The following EHBP1 variants were observed in gnomAD, a reference collection of about 807,000 sequenced individuals.
The protein encoded by EHBP1 is EH domain binding protein 1, also known as EH domain-binding protein 1.
In EHBP1, 55 loss-of-function variants were observed where a neutral mutation model predicts 144.0. The observed-to-expected ratio is 0.38, with a 90% CI of 0.31 to 0.48. EHBP1 has a LOEUF of 0.48. Ranked by LOEUF, EHBP1 falls within the 20% of genes least tolerant of loss-of-function variation. EHBP1 has a pLI of 0.98. For missense variants in EHBP1, 1,200 were observed against 1,364.2 expected, an observed-to-expected ratio of 0.88 and a Z score of 1.90; for synonymous variants, 469 against 472.7, an observed-to-expected ratio of 0.99 and a Z score of 0.10.
intron 21 of EHBP1, among the ~76,000 whole-genome samples, chr2:63,039,342 T>C (rs2061568591): frequency 6.6e-6 from 1 of 152,204 alleles, no homozygotes; most frequent in South Asian, 2.1e-4. Flanking sequence ...CATAAAGCTT[T>C]TAAATGAATT....
chr2:63,029,012 C>G (rs2061111503), intron 19 of EHBP1, among the ~76,000 whole-genome samples: 1 of 152,104 alleles, frequency 6.6e-6, no homozygotes, highest in Admixed American at 6.5e-5. Flanking sequence ...ATGTTCATAA[C>G]CAGCAAACTT....
chr2:63,030,614 A>G (rs2061201081), intron 19 of EHBP1, among the ~76,000 whole-genome samples: 1 of 151,414 alleles, frequency 6.6e-6, no homozygotes. Context: ...CAGCCTCCCA[A>G]GTAGCTGGGA....
intron 2 of EHBP1, among the ~76,000 whole-genome samples, chr2:62,741,095 A>C (rs916555705): frequency 2.0e-5 from 3 of 152,178 alleles, no homozygotes; most frequent in Non-Finnish European, 4.4e-5. Context: ...TCAGGGGCCC[A>C]GGCTACTCTT....
chr2:62,760,449 C>T (rs911778499), intron 3 of EHBP1, among the ~76,000 whole-genome samples: 2 of 152,138 alleles, frequency 1.3e-5, no homozygotes, highest in African/African-American at 2.4e-5. Context: ...ACTAATGTCT[C>T]CTTTTATTAA....
intron 8 of EHBP1, among the ~76,000 whole-genome samples, chr2:62,863,416 T>G (rs1455951789): frequency 6.6e-6 from 1 of 152,142 alleles, no homozygotes; most frequent in Non-Finnish European, 1.5e-5. Flanking sequence ...CACTACAGCC[T>G]GGGCAACAGA....
At chr2:62,961,035 C>T (rs2057977638) in intron 14 of EHBP1, among the ~76,000 whole-genome samples, 1 of 152,138 alleles carries the variant, frequency 6.6e-6, no homozygotes, top group South Asian at 2.1e-4. Context: ...CAAAACATTC[C>T]CTTCCAAAAT....
chr2:62,928,722 A>C lies in EHBP1; in HGVS notation c.1186-13996A>C, dbSNP rs1215305906. Among the ~76,000 whole-genome samples the C allele has an allele frequency of 2.0e-5, 3 of 152,096 alleles. No homozygotes were observed. In the East Asian group the frequency reaches 5.8e-4, roughly 29 times the overall value. On this transcript the variant is annotated intron_variant, in intron 10 of 22. Coordinates refer to ENST00000431489, the MANE Select transcript of EHBP1 (RefSeq NM_001142616.3). Reference sequence around the variant, plus strand: ...AAAAAGGAAGGAAATAATAAAGATTAGAGCAGAGATAAACAAAATGGAGAC... The same window carrying C: ...AAAAAGGAAGGAAATAATAAAGATTCGAGCAGAGATAAACAAAATGGAGAC...
At chr2:62,674,178 T>C in intron 1 of EHBP1, 1 of 470,722 alleles carries the variant, frequency 2.1e-6, no homozygotes, top group Non-Finnish European at 4.4e-6. Context: ...TGGTCCTTGA[T>C]AACCTAGATT....
chr2:62,846,609 C>A (rs558217889), intron 7 of EHBP1, among the ~76,000 whole-genome samples: 1 of 152,180 alleles, frequency 6.6e-6, no homozygotes, highest in Admixed American at 6.5e-5. Flanking sequence ...TCTTACCATT[C>A]AACATTATAT....
At chr2:62,894,948 A>AGAGAGAGG (rs1337080541) in intron 10 of EHBP1, among the ~76,000 whole-genome samples, 1 of 151,452 alleles carries the variant, frequency 6.6e-6, no homozygotes, top group Non-Finnish European at 1.5e-5. Context: ...AGAGAGAGAG[A>AGAGAGAGG]GAGAGAGAAT....
intron 10 of EHBP1, among the ~76,000 whole-genome samples, chr2:62,934,616 G>C (rs929389491): frequency 1.3e-5 from 2 of 152,182 alleles, no homozygotes; most frequent in Non-Finnish European, 2.9e-5. Context: ...GAAAGATCAG[G>C]TGGGTAAGTG....
chr2:62,970,276 T>A (rs1183926937), intron 14 of EHBP1, among the ~76,000 whole-genome samples: 2 of 152,028 alleles, frequency 1.3e-5, no homozygotes, highest in Non-Finnish European at 2.9e-5. Context: ...TTTAAAAAAA[T>A]TTAGATAGGT....
intron 14 of EHBP1, among the ~76,000 whole-genome samples, chr2:62,978,201 C>CTTTT (rs1337320404): frequency 1.4e-5 from 2 of 139,560 alleles, no homozygotes; most frequent in African/African-American, 2.6e-5. Context: ...ATTAATAATC[C>CTTTT]TTTTTTTTTT....
At chr2:62,754,899 G>C (rs1213061792) in intron 3 of EHBP1, among the ~76,000 whole-genome samples, 4 of 152,188 alleles carry the variant, frequency 2.6e-5, no homozygotes, top group Non-Finnish European at 5.9e-5. Flanking sequence ...AGCTTTCCTT[G>C]GCTAGGAAAG....
At chr2:62,763,346 A>G (rs2040913403) in intron 3 of EHBP1, among the ~76,000 whole-genome samples, 1 of 152,088 alleles carries the variant, frequency 6.6e-6, no homozygotes, top group Non-Finnish European at 1.5e-5. Context: ...TCACTCCTCC[A>G]GGGCCTAGAA....
intron 10 of EHBP1, among the ~76,000 whole-genome samples, chr2:62,888,911 T>C (rs918364460): frequency 8.6e-5 from 13 of 152,014 alleles, no homozygotes; most frequent in African/African-American, 2.2e-4. Flanking sequence ...ACAGTGGAGT[T>C]AGGACTGTGG....
chr2:62,759,794 T>A (rs926413494), intron 3 of EHBP1, among the ~76,000 whole-genome samples: 2 of 152,240 alleles, frequency 1.3e-5, no homozygotes, highest in Non-Finnish European at 2.9e-5. Context: ...ACCATAACTC[T>A]TTCTAGTTAC....
chr2:62,936,057 T>C (rs2056365647), intron 10 of EHBP1, among the ~76,000 whole-genome samples: 1 of 152,208 alleles, frequency 6.6e-6, no homozygotes, highest in African/African-American at 2.4e-5. Context: ...TTTGCCTCTA[T>C]ATTCATGAGA....
intron 14 of EHBP1, among the ~76,000 whole-genome samples, chr2:62,967,763 T>C (rs2153161276): frequency 6.6e-6 from 1 of 152,292 alleles, no homozygotes; most frequent in African/African-American, 2.4e-5. Flanking sequence ...CATAGTTAAC[T>C]AAGAATAGAA....
Sources: gnomAD v4.1 joint callset for allele counts (sites outside exome capture counted in the v4.1 genomes callset) on GRCh38, gnomAD v4.1.1 for gene constraint, MANE v1.5 for transcripts, NCBI Gene and HGNC (gene_info 2026-07-23, HGNC 2026-07-21) for gene names.